Variants in CHIC1 observed in about 807,000 individuals in gnomAD.
The protein encoded by CHIC1 is cysteine-rich hydrophobic domain-containing protein 1.
In CHIC1, 7 loss-of-function variants were observed where a neutral mutation model predicts 18.5. The observed-to-expected ratio is 0.38, with a 90% confidence interval of 0.22 to 0.71. CHIC1 has a LOEUF of 0.71. Among genes scored for constraint, CHIC1 ranks in the 30% least tolerant of loss-of-function variants. CHIC1 has a pLI of 0.49. For synonymous variants in CHIC1, 77 were observed against 73.5 expected (o/e 1.05, Z -0.25); for missense variants, 159 against 176.9 (o/e 0.90, Z 0.57).
intron 3 of CHIC1, among the ~76,000 whole-genome samples, chrX:73,592,679 G>T (rs7056856): frequency 0.25 from 27,180 of 108,608 alleles, 3,658 homozygotes; most frequent in African/African-American, 0.51. Flanking sequence ...TCATTGTGTC[G>T]TTGCCATATT....
rs1257492416 is a variant in CHIC1, at chrX:73,563,395, G to C, written c.111G>C (p.Ser37=). 6.9e-6 allele frequency: 8 copies of C among 1,154,663 alleles called. No individual in the cohort carries two copies. The highest frequency in any genetic ancestry group is 9.2e-6 in the Non-Finnish European group (8 of 867,181). ...TSSSSPSSSS[S]VSGPDDDEED... ...CGTCGTCGCCGTCGTCGTCGTCGTC[G>C]GTATCTGGGCCCGACGATGACGAGG... The change falls in exon 1 of 6, where the codon TCG becomes TCC. Residue 37 remains serine (S), a synonymous_variant. Transcript: ENST00000373502.
chrX:73,610,865 T>C (rs2057705030), intron 3 of CHIC1, among the ~76,000 whole-genome samples: 1 of 108,311 alleles, frequency 9.2e-6, no homozygotes, highest in Admixed American at 9.7e-5. Context: ...TTTTAGTGTT[T>C]GGTTGTTCAT....
intron 2 of CHIC1, among the ~76,000 whole-genome samples, chrX:73,583,179 G>A (rs183326240): frequency 9.0e-6 from 1 of 110,802 alleles, no homozygotes; most frequent in East Asian, 2.9e-4. Flanking sequence ...AGATTCATGG[G>A]CTAAGCAATT....
chrX:73,578,380 G>T, intron 2 of CHIC1, among the ~76,000 whole-genome samples: 1 of 110,538 alleles, frequency 9.0e-6, no homozygotes, highest in Non-Finnish European at 1.9e-5. Flanking sequence ...TTATATTACA[G>T]AATACTCAGT....
intron 3 of CHIC1, among the ~76,000 whole-genome samples, chrX:73,590,501 A>T (rs1443139897): frequency 2.7e-5 from 3 of 110,731 alleles, no homozygotes; most frequent in African/African-American, 9.8e-5. Context: ...ATTAGGCTTC[A>T]CTCTTTGTGT....
chrX:73,674,281 T>G (rs1056604688), intron 3 of CHIC1, among the ~76,000 whole-genome samples: 10 of 112,118 alleles, frequency 8.9e-5, no homozygotes, highest in African/African-American at 3.2e-4. Flanking sequence ...TCTTTTTCTA[T>G]TGATTGGAAT....
intron 3 of CHIC1, among the ~76,000 whole-genome samples, chrX:73,663,202 C>T (rs933794934): frequency 1.8e-5 from 2 of 111,459 alleles, no homozygotes; most frequent in Admixed American, 9.5e-5. Flanking sequence ...CTCCATTTAC[C>T]GGACTTTTGG....
chrX:73,677,360 T>A (rs1449648536), intron 3 of CHIC1, among the ~76,000 whole-genome samples: 1 of 112,254 alleles, frequency 8.9e-6, no homozygotes, highest in Non-Finnish European at 1.9e-5. Flanking sequence ...GCAGGCCTCC[T>A]TGAGCTGTGG....
chrX:73,666,219 A>G (rs55985033), intron 3 of CHIC1, among the ~76,000 whole-genome samples: 5,660 of 111,637 alleles, frequency 0.051, 364 homozygotes, highest in African/African-American at 0.17. Flanking sequence ...TAATTTCTTT[A>G]TGTACCCAAG....
chrX:73,684,135 C>T lies in CHIC1; in HGVS notation c.*3130C>T, dbSNP rs2058111304. The T allele has an allele frequency of 9.0e-6, 1 of 111,311 alleles. No homozygotes were observed. The highest frequency in any genetic ancestry group is 1.9e-5 in the Non-Finnish European group (1 of 52,724). The allele number at this position is 111,311 out of a possible 1,213,427, so 9.2% of individuals were successfully genotyped here. On this transcript the variant is annotated 3_prime_UTR_variant, in exon 6 of 6. Coordinates refer to ENST00000373502, the MANE Select transcript of CHIC1 (RefSeq NM_001039840.4). The stretch of plus-strand genomic sequence containing the variant: ...TTTATTATGTAAAGCTTCTTTCCTT[C>T]CTTTTCCCCAATCATGATATATTAG...
intron 3 of CHIC1, among the ~76,000 whole-genome samples, chrX:73,592,363 C>T (rs1426376143): frequency 9.0e-6 from 1 of 111,307 alleles, no homozygotes; most frequent in African/African-American, 3.3e-5. Flanking sequence ...TGGCTCTTAA[C>T]TATTTTGAGA....
At chrX:73,662,108 G>A (rs758141511) in intron 3 of CHIC1, among the ~76,000 whole-genome samples, 3 of 109,181 alleles carry the variant, frequency 2.7e-5, no homozygotes, top group Non-Finnish European at 5.7e-5. Flanking sequence ...TATGAGATAA[G>A]AACTGAAGTA....
intron 3 of CHIC1, among the ~76,000 whole-genome samples, chrX:73,622,194 G>C (rs764952882): frequency 1.8e-5 from 2 of 112,145 alleles, no homozygotes; most frequent in South Asian, 7.4e-4. Context: ...TTGGTATCAG[G>C]ATGATGCTGG....
At chrX:73,663,236 C>T (rs2057989103) in intron 3 of CHIC1, among the ~76,000 whole-genome samples, 1 of 111,107 alleles carries the variant, frequency 9.0e-6, no homozygotes, top group African/African-American at 3.3e-5. Context: ...TGGGCGAATT[C>T]CAAGGGCTTT....
At chrX:73,576,168 C>T (rs1654339174) in intron 1 of CHIC1, among the ~76,000 whole-genome samples, 2 of 109,254 alleles carry the variant, frequency 1.8e-5, no homozygotes, top group South Asian at 3.9e-4. Context: ...CTAAAAGGGC[C>T]TGCCTGAGGC....
intron 3 of CHIC1, among the ~76,000 whole-genome samples, chrX:73,611,073 GGTTA>G (rs1335824755): frequency 1.1e-4 from 12 of 106,252 alleles, no homozygotes; most frequent in African/African-American, 4.4e-4. Context: ...ACAACGTGCC[GGTTA>G]GTTACATATG....
At chrX:73,579,146 T>C (rs1236863998) in intron 2 of CHIC1, among the ~76,000 whole-genome samples, 7 of 110,114 alleles carry the variant, frequency 6.4e-5, no homozygotes, top group Non-Finnish European at 1.3e-4. Flanking sequence ...AAATTGGAGG[T>C]AGCTTGAGAC....
At chrX:73,615,110 G>A (rs2057726433) in intron 3 of CHIC1, among the ~76,000 whole-genome samples, 1 of 111,589 alleles carries the variant, frequency 9.0e-6, no homozygotes, top group Admixed American at 9.5e-5. Flanking sequence ...GTATAGTCTA[G>A]TCTTCATGGT....
intron 3 of CHIC1, among the ~76,000 whole-genome samples, chrX:73,671,327 T>A (rs943390802): frequency 8.9e-6 from 1 of 112,327 alleles, no homozygotes; most frequent in Non-Finnish European, 1.9e-5. Context: ...TTTGGATGTC[T>A]ATATCTCTCC....
Sources: gnomAD v4.1 joint callset for allele counts (sites outside exome capture counted in the v4.1 genomes callset) on GRCh38, gnomAD v4.1.1 for gene constraint, MANE v1.5 for transcripts, NCBI Gene and HGNC (gene_info 2026-07-23, HGNC 2026-07-21) for gene names.